Variants in SHE observed in about 807,000 individuals in gnomAD.
The protein encoded by SHE is SH2 domain-containing adapter protein E.
Under a neutral mutation model 49.8 loss-of-function variants are expected in SHE, and 11 were observed. The ratio of observed to expected loss-of-function variants is 0.22; its 90% CI spans 0.14 to 0.37. SHE has a LOEUF of 0.37. Among genes scored for constraint, SHE ranks in the 10% least tolerant of loss-of-function variants. SHE has a pLI of 1.00. For synonymous variants in SHE, 310 were observed against 278.1 expected (o/e 1.11, Z -1.14); for missense variants, 624 against 655.5 (o/e 0.95, Z 0.52).
chr1:154,483,815 A>T lies in SHE; in HGVS notation c.*334T>A, dbSNP rs1419652659. 1 of 870,604 alleles carries T rather than the reference A, an allele frequency of 1.1e-6. No individual in the cohort carries two copies. Among genetic ancestry groups the T allele is most frequent in the Non-Finnish European group, 1.4e-6 (1 of 713,926 alleles). 53.9% of individuals were successfully genotyped at this position (870,604 alleles called of 1,614,324 possible). A position where few individuals can be genotyped will look rare whatever the true frequency, so the allele number is the denominator to read the frequency against. ...GAGACCAGCCTGACGAAGACGGCGA[A>T]ACCCCATCTCTACTAAAAATACAAA... On this transcript the variant is annotated 3_prime_UTR_variant, in exon 6 of 6. Transcript: ENST00000304760.
At chr1:154,479,441 T>C (rs1281199764), downstream of SHE, 1 of 936,386 alleles carries the variant, frequency 1.1e-6, no homozygotes, top group Non-Finnish European at 1.3e-6. Flanking sequence ...TGAAGGAAGA[T>C]GATTCTCAGA....
downstream of SHE, among the ~76,000 whole-genome samples, chr1:154,476,894 T>C (rs972746622): frequency 1.3e-5 from 2 of 152,206 alleles, no homozygotes; most frequent in Non-Finnish European, 2.9e-5. Context: ...AAAAATGTCA[T>C]GTAGAAAGTA....
rs775566715 is a variant in SHE at position 154,486,679 on chromosome 1, C to G, written c.1029G>C (p.Gln343His). Residue 343 changes from glutamine to histidine, a missense_variant, in exon 4 of 6, where the codon CAG becomes CAC. Gln to His is a conservative substitution (Grantham distance 24). This residue lies in a region of SHE where 155 missense variants were observed against 142.0 expected (regional missense o/e 1.09). Coordinates refer to ENST00000304760, the MANE Select transcript of SHE (RefSeq NM_001010846.3). ...AGGAAGGTCGCTCAGCTCCTTCAAA[C>G]TGGACTGGAAGGAAGACTCCATTTA... ...KEQIVRALSV[Q>H]FEGAERPSFR... 6.2e-6 allele frequency: 10 copies of G among 1,614,068 alleles called. No homozygotes were observed. The South Asian group carries it at 8.8e-5, about 14-fold the overall frequency.
chr1:154,491,447 T>C (rs1231643996), intron 2 of SHE, among the ~76,000 whole-genome samples: 2 of 152,238 alleles, frequency 1.3e-5, no homozygotes, highest in Non-Finnish European at 2.9e-5. Flanking sequence ...CTTTACAATC[T>C]AACTCAGCAT....
downstream of SHE, among the ~76,000 whole-genome samples, chr1:154,478,395 A>G (rs1385764269): frequency 7.2e-6 from 1 of 138,292 alleles, no homozygotes; most frequent in African/African-American, 2.9e-5. Flanking sequence ...AACTCAGTCT[A>G]TGTTTTGTTT....
chr1:154,479,730 G>C lies in SHE; in HGVS notation c.*4419C>G, dbSNP rs149561413. ...TGACAAACTGAACGGCTAAGAACTT[G>C]ACAAAATGAGACGCCTGTTTCAATG... On this transcript the variant is annotated 3_prime_UTR_variant, in exon 6 of 6. Transcript: ENST00000304760. 2 of 985,326 alleles carry C rather than the reference G, an allele frequency of 2.0e-6. No individual in the cohort carries two copies. Among genetic ancestry groups the C allele is most frequent in the South Asian group, 4.7e-5 (1 of 21,284 alleles). The allele number at this position is 985,326 out of a possible 1,614,324, so 61.0% of individuals were successfully genotyped here.
At chr1:154,493,375 C>T (rs548217042) in intron 2 of SHE, among the ~76,000 whole-genome samples, 1 of 152,328 alleles carries the variant, frequency 6.6e-6, no homozygotes, top group African/African-American at 2.4e-5. Context: ...GCAAGCCGAC[C>T]CTTCCTGCAG....
At chr1:154,489,519 C>T (rs1454514004) in intron 2 of SHE, among the ~76,000 whole-genome samples, 163 bp from the exon 3 acceptor site, 1 of 152,248 alleles carries the variant, frequency 6.6e-6, no homozygotes, top group Non-Finnish European at 1.5e-5. Flanking sequence ...AGGTTGATTA[C>T]TTCTCAGCTG....
chr1:154,495,415 A>C (rs999908897), intron 2 of SHE, among the ~76,000 whole-genome samples: 1 of 152,196 alleles, frequency 6.6e-6, no homozygotes, highest in African/African-American at 2.4e-5. Context: ...CTTTGGATAA[A>C]TCTCAGTGAT....
intron 1 of SHE, among the ~76,000 whole-genome samples, chr1:154,500,281 T>A (rs1232110251): frequency 2.0e-5 from 3 of 152,206 alleles, no homozygotes; most frequent in Non-Finnish European, 4.4e-5. Flanking sequence ...GCCCTTGGCT[T>A]CAAGGTGCTT....
At position 154,502,122 on chromosome 1, in the gene SHE, G is replaced by T; in HGVS notation, c.-96C>A. 1 of 1,028,676 alleles carries T rather than the reference G, an allele frequency of 9.7e-7. No individual in the cohort carries two copies. Among genetic ancestry groups the T allele is most frequent in the Non-Finnish European group, 1.2e-6 (1 of 811,678 alleles). 63.7% of individuals were successfully genotyped at this position (1,028,676 alleles called of 1,614,324 possible). ...CGTCGCCCACGCCCGGCAGGGTGGG[G>T]TTCTCACGGCTCGGGGCGCCGAGCG... is the stretch of plus-strand genomic sequence containing the variant. On this transcript the variant is annotated 5_prime_UTR_variant, in exon 1 of 6. Coordinates refer to ENST00000304760, the MANE Select transcript of SHE (RefSeq NM_001010846.3).
At chr1:154,494,462 C>T (rs1386720266) in intron 2 of SHE, among the ~76,000 whole-genome samples, 1 of 149,438 alleles carries the variant, frequency 6.7e-6, no homozygotes, top group Non-Finnish European at 1.5e-5. Flanking sequence ...GATCCTCCCA[C>T]CTTGGCCTCC....
Position 154,484,267 on chromosome 1 carries a change from G to A in SHE, c.1370C>T (p.Thr457Ile), listed in dbSNP as rs1368577327. Residue 457 changes from threonine (T) to isoleucine (I), a missense_variant, in exon 6 of 6, where the codon ACA (threonine) becomes ATA (isoleucine). Physicochemically the swap from Thr to Ile is moderately conservative, Grantham distance 89 (BLOSUM62 -1). Coordinates refer to ENST00000304760, the MANE Select transcript of SHE (RefSeq NM_001010846.3). Reference protein sequence around the residue: ...TKDNKYTLNQTSAVFDSIPEV... With the variant: ...TKDNKYTLNQISAVFDSIPEV... ...AGGGATGCTGTCAAACACAGCGCTT[G>A]TCTGATTCAGTGTGTATTTGTTGTC... 2 of 1,614,070 alleles carry A rather than the reference G, an allele frequency of 1.2e-6. No individual in the cohort carries two copies. Among genetic ancestry groups the A allele is most frequent in the Non-Finnish European group, 1.7e-6 (2 of 1,180,046 alleles).
intron 1 of SHE, among the ~76,000 whole-genome samples, chr1:154,473,670 G>C (rs891709367): frequency 3.3e-5 from 5 of 152,070 alleles, no homozygotes; most frequent in Non-Finnish European, 5.9e-5. Context: ...TGGGCATGCT[G>C]GCACATGCCT....
chr1:154,496,711 T>C (rs1039603568), intron 2 of SHE, among the ~76,000 whole-genome samples: 1 of 151,994 alleles, frequency 6.6e-6, no homozygotes, highest in East Asian at 1.9e-4. Context: ...GGGGACAGCA[T>C]TGTAGTCCCC....
chr1:154,488,938 T>G (rs1692270617), intron 3 of SHE, 113 bp downstream of exon 3: 30 of 1,350,578 alleles, frequency 2.2e-5, no homozygotes, highest in East Asian at 4.8e-5. Flanking sequence ...AGTTGCACAT[T>G]GAGAAGAGAA....
Position 154,483,776 on chromosome 1 carries a change from G to A in SHE, c.*373C>T, listed in dbSNP as rs1557796158. On this transcript the variant is annotated 3_prime_UTR_variant, in exon 6 of 6. Transcript: ENST00000304760. ...GGAGACTGAGGTGGGTGGATCATTT[G>A]AGGTCAGGAGTTTGAGACCAGCCTG... 1.0e-6 allele frequency: 1 copy of A among 985,984 alleles called. No individual in the cohort carries two copies. The highest frequency in any genetic ancestry group is 1.7e-5 in the African/African-American group (1 of 57,440). The allele number at this position is 985,984 out of a possible 1,614,324, so 61.1% of individuals were successfully genotyped here.
chr1:154,500,025 A>C (rs956545410), intron 1 of SHE, among the ~76,000 whole-genome samples: 2 of 151,372 alleles, frequency 1.3e-5, no homozygotes, highest in African/African-American at 4.9e-5. Context: ...CTTGCTCCAC[A>C]ACCTCTGTTA....
At chr1:154,492,382 C>A (rs1692394064) in intron 2 of SHE, among the ~76,000 whole-genome samples, 1 of 152,190 alleles carries the variant, frequency 6.6e-6, no homozygotes, top group Non-Finnish European at 1.5e-5. Context: ...TGTCCACAGT[C>A]CCCATCTTGG....
Sources: gnomAD v4.1 joint callset for allele counts (sites outside exome capture counted in the v4.1 genomes callset) on GRCh38, gnomAD v4.1.1 for gene constraint, gnomAD v4.1.1 regional missense constraint, MANE v1.5 for transcripts, NCBI Gene and HGNC (gene_info 2026-07-23, HGNC 2026-07-21) for gene names.